HS3ST3A1: variants seen among roughly 807,000 people sequenced by gnomAD.
HS3ST3A1 encodes the protein heparan sulfate glucosamine 3-O-sulfotransferase 3A1.
A neutral mutation model predicts 25.7 loss-of-function variants in HS3ST3A1; 19 were observed. The ratio of observed to expected loss-of-function variants is 0.74; its 90% CI spans 0.52 to 1.08. The LOEUF (loss-of-function observed/expected upper bound fraction) is 1.08. Among genes scored for constraint, HS3ST3A1 ranks in the 50% least tolerant of loss-of-function variants. HS3ST3A1 has a pLI of 0.00. For synonymous variants in HS3ST3A1, 226 were observed against 278.6 expected (o/e 0.81, Z 1.88); for missense variants, 459 against 594.3 (o/e 0.77, Z 2.37).
chr17:13,597,927 G>A (rs924604064), intron 1 of HS3ST3A1, among the ~76,000 whole-genome samples: 1 of 152,182 alleles, frequency 6.6e-6, no homozygotes, highest in African/African-American at 2.4e-5. Context: ...GAGGACAGTA[G>A]GTGGCACTGC....
chr17:13,566,579 C>A (rs755041672), intron 1 of HS3ST3A1, among the ~76,000 whole-genome samples: 4 of 152,188 alleles, frequency 2.6e-5, no homozygotes, highest in Non-Finnish European at 4.4e-5. Context: ...AGGCCTCCTG[C>A]AACAGTTAGC....
At chr17:13,596,077 T>A (rs568280923) in intron 1 of HS3ST3A1, among the ~76,000 whole-genome samples, 19 of 152,200 alleles carry the variant, frequency 1.2e-4, no homozygotes, top group Non-Finnish European at 2.4e-4. Flanking sequence ...GGCCAGGGTA[T>A]TTTCTTTTTA....
intron 1 of HS3ST3A1, among the ~76,000 whole-genome samples, chr17:13,514,347 A>G (rs978870649): frequency 3.9e-5 from 6 of 152,120 alleles, no homozygotes; most frequent in Non-Finnish European, 7.4e-5. Context: ...TAATCTTAAC[A>G]TTAAATAAAT....
chr17:13,513,110 A>G (rs1484403360), intron 1 of HS3ST3A1, among the ~76,000 whole-genome samples: 1 of 152,088 alleles, frequency 6.6e-6, no homozygotes, highest in African/African-American at 2.4e-5. Flanking sequence ...CCAGAAGAAA[A>G]CACACCAGGA....
At chr17:13,563,130 C>A (rs937697051) in intron 1 of HS3ST3A1, among the ~76,000 whole-genome samples, 23 of 151,536 alleles carry the variant, frequency 1.5e-4, no homozygotes, top group Admixed American at 9.9e-4. Flanking sequence ...CTTTATCTAA[C>A]CTTCCCAGCC....
intron 1 of HS3ST3A1, among the ~76,000 whole-genome samples, chr17:13,505,995 C>G (rs1210390418): frequency 6.8e-6 from 1 of 146,860 alleles, no homozygotes; most frequent in Non-Finnish European, 1.5e-5. Context: ...CCACTGCACT[C>G]CAGCCTGGGC....
chr17:13,556,401 G>C (rs899976798), intron 1 of HS3ST3A1, among the ~76,000 whole-genome samples: 1 of 151,972 alleles, frequency 6.6e-6, no homozygotes, highest in African/African-American at 2.4e-5. Context: ...CCAGCTACTC[G>C]GGAGGCTGAG....
intron 1 of HS3ST3A1, among the ~76,000 whole-genome samples, chr17:13,507,718 C>CT (rs1244252705): frequency 1.3e-5 from 2 of 152,190 alleles, no homozygotes; most frequent in Non-Finnish European, 2.9e-5. Context: ...TGTACATGTA[C>CT]TTTTTTTAAG....
rs1273614510 is a variant in HS3ST3A1 at position 13,600,857 on chromosome 17, C to T, written c.273G>A (p.Leu91=). 1.4e-6 allele frequency: 2 copies of T among 1,443,312 alleles called. No individual in the cohort carries two copies. Among genetic ancestry groups the T allele is most frequent in the Non-Finnish European group, 1.8e-6 (2 of 1,108,568 alleles). 89.4% of individuals were successfully genotyped at this position (1,443,312 alleles called of 1,614,324 possible). The part of the protein sequence containing the change: ...WPAAAQRKRL[L]QLPQWRRRRP... ...GGCGCCTCCGCCACTGCGGCAGTTGCAGGAGGCGCTTTCTCTGTGCCGCCG... is the reference window on the plus strand; with the variant it reads ...GGCGCCTCCGCCACTGCGGCAGTTGTAGGAGGCGCTTTCTCTGTGCCGCCG... Residue 91 remains leucine, a synonymous_variant, in exon 1 of 2, where the codon CTG becomes CTA. Coordinates refer to ENST00000284110, the MANE Select transcript of HS3ST3A1 (RefSeq NM_006042.3).
chr17:13,506,362 C>T (rs1277898249), intron 1 of HS3ST3A1, among the ~76,000 whole-genome samples: 2 of 152,104 alleles, frequency 1.3e-5, no homozygotes, highest in Non-Finnish European at 2.9e-5. Flanking sequence ...TAGGACTTTC[C>T]ACCTCTAAGA....
chr17:13,587,323 G>A (rs1016476270), intron 1 of HS3ST3A1, among the ~76,000 whole-genome samples: 33 of 152,088 alleles, frequency 2.2e-4, no homozygotes, highest in Non-Finnish European at 3.4e-4. Flanking sequence ...GTGTGGTGGC[G>A]TGCGCCTGTA....
At chr17:13,545,141 C>T (rs141165873) in intron 1 of HS3ST3A1, among the ~76,000 whole-genome samples, 2 of 152,314 alleles carry the variant, frequency 1.3e-5, no homozygotes, top group East Asian at 3.9e-4. Flanking sequence ...CAGGCATGGA[C>T]GCCTTTATCT....
intron 1 of HS3ST3A1, among the ~76,000 whole-genome samples, chr17:13,576,180 T>C (rs923678366): frequency 3.3e-5 from 5 of 152,238 alleles, no homozygotes; most frequent in Non-Finnish European, 7.3e-5. Context: ...TAGCTTAAAA[T>C]AACAAACATT....
chr17:13,587,856 A>G (rs763457470), intron 1 of HS3ST3A1, among the ~76,000 whole-genome samples: 11 of 152,220 alleles, frequency 7.2e-5, no homozygotes, highest in Non-Finnish European at 1.3e-4. Flanking sequence ...GTGCATTTCA[A>G]AAATACAGGT....
intron 1 of HS3ST3A1, among the ~76,000 whole-genome samples, chr17:13,585,857 T>TC (rs1908248239): frequency 5.7e-5 from 8 of 141,532 alleles, no homozygotes; most frequent in African/African-American, 1.9e-4. Context: ...TTTTTTTTTT[T>TC]TTTTTTTTTT....
At position 13,496,452 on chromosome 17, in the gene HS3ST3A1, C is replaced by G; in HGVS notation, c.966G>C (p.Glu322Asp). The G allele has an allele frequency of 7.3e-7, 1 of 1,376,536 alleles. No homozygotes were observed. Among genetic ancestry groups the G allele is most frequent in the Non-Finnish European group, 1.0e-6 (1 of 1,003,002 alleles). 85.3% of individuals were successfully genotyped at this position (1,376,536 alleles called of 1,614,324 possible). The change falls in exon 2 of 2, where the codon GAG becomes GAC. Residue 322 changes from glutamate (E) to aspartate (D), a missense_variant. Physicochemically the swap from Glu to Asp is conservative, Grantham distance 45. This residue lies in a region of HS3ST3A1 where 67 missense variants were observed against 231.4 expected (regional missense o/e 0.29). Coordinates refer to ENST00000284110, the MANE Select transcript of HS3ST3A1 (RefSeq NM_006042.3). ...CCAGGAAGTCTTGCACGCGGCCCAGCTCCCCGGCCGGGTCGCTGATGAGCC... is the reference window on the plus strand; with the variant it reads ...CCAGGAAGTCTTGCACGCGGCCCAGGTCCCCGGCCGGGTCGCTGATGAGCC... ...GERLISDPAGELGRVQDFLGL... is the reference protein window; with the variant it reads ...GERLISDPAGDLGRVQDFLGL...
At chr17:13,584,104 T>C (rs544887806) in intron 1 of HS3ST3A1, among the ~76,000 whole-genome samples, 2 of 152,324 alleles carry the variant, frequency 1.3e-5, no homozygotes, top group East Asian at 3.9e-4. Flanking sequence ...GAATAGCCAA[T>C]GGTTAAAACT....
intron 1 of HS3ST3A1, among the ~76,000 whole-genome samples, chr17:13,565,242 T>C (rs930970604): frequency 1.3e-5 from 2 of 152,060 alleles, no homozygotes; most frequent in African/African-American, 4.8e-5. Flanking sequence ...AATGCAAGGG[T>C]TTAAAAAGCT....
intron 1 of HS3ST3A1, among the ~76,000 whole-genome samples, chr17:13,582,826 G>A (rs1908151632): frequency 6.6e-6 from 1 of 152,138 alleles, no homozygotes; most frequent in African/African-American, 2.4e-5. Context: ...AGATAATGCT[G>A]TAATACAGAG....
Sources: allele counts gnomAD v4.1 joint callset (sites outside exome capture counted in the v4.1 genomes callset), GRCh38; gene constraint gnomAD v4.1.1; regional missense constraint gnomAD v4.1.1; transcripts MANE v1.5; gene names NCBI Gene and HGNC (gene_info 2026-07-23, HGNC 2026-07-21).